The following FRMD4B variants were observed in gnomAD, a reference collection of about 807,000 sequenced individuals.
FRMD4B encodes the protein FERM domain-containing protein 4B.
FRMD4B carries 74 observed loss-of-function variants against 141.5 expected under a neutral mutation model. That is an observed-to-expected ratio of 0.52 (90% CI 0.43 to 0.63). The LOEUF (loss-of-function observed/expected upper bound fraction) is 0.63, where lower values mean the gene tolerates loss of function less well. Ranked by LOEUF, FRMD4B falls within the 30% of genes least tolerant of loss-of-function variation. The pLI is 0.00. For synonymous variants in FRMD4B, 506 were observed against 467.9 expected (o/e 1.08, Z -1.05); for missense variants, 1,366 against 1,253.4 (o/e 1.09, Z -1.36).
At chr3:69,518,610 T>A (rs1700801979) in intron 1 of FRMD4B, among the ~76,000 whole-genome samples, 1 of 152,154 alleles carries the variant, frequency 6.6e-6, no homozygotes, top group African/African-American at 2.4e-5. Flanking sequence ...TAACACCTGG[T>A]GTTATCTACC....
intron 1 of FRMD4B, chr3:69,334,012 A>C (rs1228994525): frequency 6.6e-6 from 1 of 152,234 alleles, no homozygotes; most frequent in African/African-American, 2.4e-5. Flanking sequence ...AATCTCTTGC[A>C]TCCATCTCTA....
intron 1 of FRMD4B, among the ~76,000 whole-genome samples, chr3:69,362,413 G>C (rs1384458467): frequency 6.6e-6 from 1 of 152,152 alleles, no homozygotes; most frequent in African/African-American, 2.4e-5. Flanking sequence ...CAGTTCTCTA[G>C]CATTTCACTG....
rs755124742 is a variant in FRMD4B at position 69,353,045 on chromosome 3, C to T, written c.162+32783G>A. 1.9e-4 allele frequency among the ~76,000 whole-genome samples: 29 copies of T among 151,798 alleles called. 1 individual carries two copies. Among genetic ancestry groups the T allele is most frequent in the Non-Finnish European group, 8.8e-5 (6 of 67,994 alleles). On this transcript the variant is annotated intron_variant, in intron 1 of 22. Transcript: ENST00000398540. ...TGCTTACTGACACAGTTCCTGCCCT[C>T]TCTCTGTCTTTTCTACATCCATAAA... is the stretch of plus-strand genomic sequence containing the variant.
chr3:69,426,293 T>C (rs962914572), intron 2 of FRMD4B, among the ~76,000 whole-genome samples: 1 of 151,492 alleles, frequency 6.6e-6, no homozygotes, highest in Non-Finnish European at 1.5e-5. Flanking sequence ...GTTTTCATTA[T>C]TGTGGATTTG....
At chr3:69,396,261 C>T (rs1328872631) in intron 2 of FRMD4B, among the ~76,000 whole-genome samples, 2 of 152,116 alleles carry the variant, frequency 1.3e-5, no homozygotes, top group Non-Finnish European at 2.9e-5. Context: ...AATCCCAGCA[C>T]TCTGGGAGGC....
chr3:69,526,843 G>A (rs1402391655), intron 1 of FRMD4B, among the ~76,000 whole-genome samples: 1 of 152,132 alleles, frequency 6.6e-6, no homozygotes, highest in East Asian at 1.9e-4. Flanking sequence ...AGGTGGTTAA[G>A]TGACAGATCT....
intron 2 of FRMD4B, among the ~76,000 whole-genome samples, chr3:69,400,289 G>A (rs189137967): frequency 1.3e-5 from 2 of 152,102 alleles, no homozygotes; most frequent in Admixed American, 1.3e-4. Context: ...TGAGAAGCTG[G>A]GTTTGAATCC....
At chr3:69,521,370 A>G (rs1489388510) in intron 1 of FRMD4B, among the ~76,000 whole-genome samples, 3 of 152,064 alleles carry the variant, frequency 2.0e-5, no homozygotes, top group Non-Finnish European at 4.4e-5. Context: ...CTCAGTCTGT[A>G]TCTCTCTTTC....
intron 2 of FRMD4B, among the ~76,000 whole-genome samples, chr3:69,418,388 C>G (rs1487362503): frequency 6.6e-6 from 1 of 152,074 alleles, no homozygotes; most frequent in Admixed American, 6.5e-5. Context: ...CTGTGTAATC[C>G]CCTTCCCTTG....
intron 1 of FRMD4B, among the ~76,000 whole-genome samples, chr3:69,355,891 G>A (rs1292990977): frequency 6.6e-6 from 1 of 152,104 alleles, no homozygotes; most frequent in Non-Finnish European, 1.5e-5. Context: ...CAGGTGTGGT[G>A]GCCGGCACCT....
chr3:69,475,493 G>A (rs931394491), intron 1 of FRMD4B, among the ~76,000 whole-genome samples: 1 of 151,920 alleles, frequency 6.6e-6, no homozygotes, highest in African/African-American at 2.4e-5. Flanking sequence ...TACTGAGAAT[G>A]ATGATTTCCA....
chr3:69,302,885 T>C (rs1053855997), intron 3 of FRMD4B, among the ~76,000 whole-genome samples: 11 of 152,048 alleles, frequency 7.2e-5, no homozygotes, highest in African/African-American at 2.4e-4. Context: ...CCAGCCTGGC[T>C]AACATGGTAA....
intron 2 of FRMD4B, among the ~76,000 whole-genome samples, chr3:69,417,111 C>T (rs1317634261): frequency 1.3e-5 from 2 of 152,070 alleles, no homozygotes; most frequent in African/African-American, 4.8e-5. Context: ...GTTCTAGATC[C>T]TTGAGGAATT....
chr3:69,420,882 G>T (rs1418631340), intron 2 of FRMD4B, among the ~76,000 whole-genome samples: 2 of 152,184 alleles, frequency 1.3e-5, no homozygotes, highest in African/African-American at 4.8e-5. Flanking sequence ...GAGGATAAAT[G>T]ACCAACAATA....
chr3:69,266,044 A>C (rs1033992944), intron 5 of FRMD4B, among the ~76,000 whole-genome samples: 6 of 151,754 alleles, frequency 4.0e-5, no homozygotes, highest in Non-Finnish European at 7.4e-5. Context: ...AAAAAAAAAA[A>C]ACTTTAAATT....
At chr3:69,399,881 G>A (rs1244630191) in intron 2 of FRMD4B, among the ~76,000 whole-genome samples, 1 of 152,144 alleles carries the variant, frequency 6.6e-6, no homozygotes, top group Non-Finnish European at 1.5e-5. Context: ...CCTGTCTTGT[G>A]ACCCTTATAT....
At chr3:69,280,251 G>A (rs1353954915) in intron 5 of FRMD4B, among the ~76,000 whole-genome samples, 2 of 152,110 alleles carry the variant, frequency 1.3e-5, no homozygotes, top group Admixed American at 6.5e-5. Context: ...AAGGCAAGGT[G>A]GGCCCCTCTG....
At chr3:69,236,188 A>G (rs1377551794) in intron 7 of FRMD4B, among the ~76,000 whole-genome samples, 3 of 151,872 alleles carry the variant, frequency 2.0e-5, no homozygotes, top group Non-Finnish European at 4.4e-5. Context: ...AGTAGTGAGG[A>G]CACCAAATTT....
chr3:69,216,475 A>T, intron 10 of FRMD4B, 126 bp from the exon 11 acceptor site: 2 of 564,158 alleles, frequency 3.5e-6, no homozygotes, highest in Admixed American at 6.2e-5. Context: ...TTCTGTCACC[A>T]GGCTGGAGTG....
Sources: allele counts gnomAD v4.1 joint callset (sites outside exome capture counted in the v4.1 genomes callset), GRCh38; gene constraint gnomAD v4.1.1; transcripts MANE v1.5; gene names NCBI Gene and HGNC (gene_info 2026-07-23, HGNC 2026-07-21).